Variants in MGST1 observed in about 807,000 individuals in gnomAD.
The protein encoded by MGST1 is microsomal glutathione S-transferase 1, also known as glutathione S-transferase 12.
MGST1 carries 5 observed loss-of-function variants against 8.9 expected under a neutral mutation model. That is an observed-to-expected ratio of 0.56 (90% confidence interval 0.29 to 1.19). The LOEUF (loss-of-function observed/expected upper bound fraction) is 1.19. Among genes scored for constraint, MGST1 ranks in the 50% most tolerant of loss-of-function variants. MGST1 has a pLI of 0.08. For synonymous variants in MGST1, 54 were observed against 67.8 expected (o/e 0.80, Z 1.00); for missense variants, 182 against 187.4 (o/e 0.97, Z 0.17).
At chr12:16,488,994 C>T (rs1941419026) in intron 4 of MGST1, among the ~76,000 whole-genome samples, 1 of 152,074 alleles carries the variant, frequency 6.6e-6, no homozygotes, top group African/African-American at 2.4e-5. Flanking sequence ...CCTGTAGTCA[C>T]AGCTACTCAG....
exon 4 of MGST1, chr12:16,376,321 C>T (rs761631838): frequency 7.8e-5 from 37 of 476,634 alleles, no homozygotes; most frequent in African/African-American, 1.6e-4. Context: ...CACAAAAAGA[C>T]AATCGGAAAT....
At chr12:16,483,263 A>T (rs192026450) in intron 4 of MGST1, among the ~76,000 whole-genome samples, 5 of 152,188 alleles carry the variant, frequency 3.3e-5, no homozygotes, top group Non-Finnish European at 7.4e-5. Context: ...CTTACTCCTC[A>T]AAAGGGGAAT....
chr12:16,487,719 C>T (rs1171674703), intron 4 of MGST1, among the ~76,000 whole-genome samples: 1 of 152,110 alleles, frequency 6.6e-6, no homozygotes, highest in African/African-American at 2.4e-5. Context: ...GTGATCGTAG[C>T]TCACTGCAGC....
chr12:16,517,308 G>T lies in MGST1; in HGVS notation n.483-72220G>T, dbSNP rs1941621172. Among the ~76,000 whole-genome samples the T allele has an allele frequency of 6.6e-6, 1 of 152,140 alleles. No individual in the cohort carries two copies. Among genetic ancestry groups the T allele is most frequent in the Admixed American group, 6.5e-5 (1 of 15,284 alleles). On this transcript the variant is annotated intron_variant and non_coding_transcript_variant, in intron 4 of 4. Transcript: ENST00000538857. The surrounding 1 kb of genome is among the most constrained non-coding windows in gnomAD (Gnocchi z 4.2). ...GTGTCAAGAGGTGGAAGCTTTAAAAGGTGATTAAGTCATAAGTTCTCTCCC... is the reference window on the plus strand; with the variant it reads ...GTGTCAAGAGGTGGAAGCTTTAAAATGTGATTAAGTCATAAGTTCTCTCCC...
chr12:16,453,895 C>G (rs1272539049), intron 4 of MGST1, among the ~76,000 whole-genome samples: 1 of 151,952 alleles, frequency 6.6e-6, no homozygotes, highest in African/African-American at 2.4e-5. Flanking sequence ...AATACTATAT[C>G]TGCAACAAGC....
At position 16,358,779 on chromosome 12, in the gene MGST1, C is replaced by CTTTTT. The variant is rs35081887; in HGVS notation, c.221+1105_221+1109dup. Reference sequence around the variant, plus strand: ...CACCGGACCTGGCCAAAATTCATTCCTTTTTTTTTTTTTTTTTTTTTTTTT... The same window carrying CTTTTT: ...CACCGGACCTGGCCAAAATTCATTCCTTTTTTTTTTTTTTTTTTTTTTTTTTTTTT... On this transcript the variant is annotated intron_variant, in intron 3 of 3. Coordinates refer to ENST00000396210, the MANE Select transcript of MGST1 (RefSeq NM_020300.5). Among the ~76,000 whole-genome samples, 39 of 57,578 alleles carry CTTTTT rather than the reference C, an allele frequency of 6.8e-4. 2 individuals are homozygous for CTTTTT. Among genetic ancestry groups the CTTTTT allele is most frequent in the Middle Eastern group, 0.024 (1 of 42 alleles). 37.8% of individuals were successfully genotyped at this position (57,578 alleles called of 152,430 possible).
intron 1 of MGST1, among the ~76,000 whole-genome samples, chr12:16,435,082 A>G (rs1310170184): frequency 6.6e-6 from 1 of 152,000 alleles, no homozygotes; most frequent in Non-Finnish European, 1.5e-5. Flanking sequence ...TATTCATTTC[A>G]TATTTGTTGA....
intron 1 of MGST1, among the ~76,000 whole-genome samples, chr12:16,348,485 A>C (rs1490659117): frequency 6.6e-6 from 1 of 152,266 alleles, no homozygotes; most frequent in East Asian, 1.9e-4. Context: ...AGAGGAGTGC[A>C]TGTAAATCTT....
At chr12:16,371,704 A>C (rs933128583) in intron 3 of MGST1, among the ~76,000 whole-genome samples, 1 of 152,082 alleles carries the variant, frequency 6.6e-6, no homozygotes, top group Non-Finnish European at 1.5e-5. Context: ...CATTATTGTT[A>C]TCTTTTGAAG....
chr12:16,418,860 T>C (rs186499583), intron 1 of MGST1, among the ~76,000 whole-genome samples: 231 of 152,296 alleles, frequency 1.5e-3, no homozygotes, highest in Non-Finnish European at 2.7e-3. Flanking sequence ...CATCTTTATG[T>C]TGTTAAACTG....
rs1940091309 is a variant in MGST1 at position 16,363,538 on chromosome 12, A to G, written c.222-257A>G. ...GTTCTATTAGATAGATGTCGTTTTG[A>G]TATTCTAGGAACTACAAAATGCCTT... On this transcript the variant is annotated intron_variant, in intron 3 of 3. Coordinates refer to ENST00000396210, the MANE Select transcript of MGST1 (RefSeq NM_020300.5). The surrounding 1 kb of genome is among the most constrained non-coding windows in gnomAD (Gnocchi z 4.6). 3 of 248,394 alleles carry G rather than the reference A, an allele frequency of 1.2e-5. No homozygotes were observed. The highest frequency in any genetic ancestry group is 5.2e-5 in the Admixed American group (1 of 19,294). 15.4% of individuals were successfully genotyped at this position (248,394 alleles called of 1,614,324 possible).
chr12:16,454,564 A>G (rs887020311), intron 4 of MGST1, among the ~76,000 whole-genome samples: 1 of 151,876 alleles, frequency 6.6e-6, no homozygotes, highest in Non-Finnish European at 1.5e-5. Flanking sequence ...TCACCCGATA[A>G]TAAGTTACAT....
intron 4 of MGST1, among the ~76,000 whole-genome samples, chr12:16,467,337 C>T (rs921462026): frequency 2.0e-5 from 3 of 152,178 alleles, no homozygotes; most frequent in African/African-American, 7.2e-5. Context: ...GCCATATTAG[C>T]ATTTTCTGGT....
chr12:16,378,560 T>G (rs1485963813), downstream of MGST1, among the ~76,000 whole-genome samples: 235 of 126,404 alleles, frequency 1.9e-3, no homozygotes, highest in South Asian at 4.3e-3. Context: ...CCTTGTAGTA[T>G]AGTTTGAAGT....
In MGST1 at chr12:16,560,563, T is replaced by C; in HGVS notation, n.483-28965T>C. 1 of 1,601,194 alleles carries C rather than the reference T, an allele frequency of 6.2e-7. No homozygotes were observed. The highest frequency in any genetic ancestry group is 8.5e-7 in the Non-Finnish European group (1 of 1,174,774). ...CCTAGAATAAGAAACATTTTTTTTT[T>C]TTTACAAACTCTTACAGAGAAATCT... is the stretch of plus-strand genomic sequence containing the variant. On this transcript the variant is annotated intron_variant and non_coding_transcript_variant, in intron 4 of 4. Coordinates refer to the MGST1 transcript ENST00000538857. This position sits in a 1 kb window ranked among gnomAD's most constrained non-coding sequence, Gnocchi z 5.0.
intron 3 of MGST1, among the ~76,000 whole-genome samples, chr12:16,373,046 A>C (rs1007593471): frequency 1.2e-4 from 16 of 134,126 alleles, no homozygotes; most frequent in African/African-American, 4.3e-4. Context: ...ACATAATGGA[A>C]TATTATACAA....
intron 4 of MGST1, among the ~76,000 whole-genome samples, chr12:16,468,414 T>G (rs1250099030): frequency 1.3e-5 from 2 of 152,160 alleles, no homozygotes; most frequent in East Asian, 3.9e-4. Context: ...GGATGAAAAG[T>G]GCAAAAGAAG....
chr12:16,452,029 C>T (rs1052703432), intron 4 of MGST1, among the ~76,000 whole-genome samples: 2 of 151,764 alleles, frequency 1.3e-5, no homozygotes, highest in African/African-American at 4.8e-5. Context: ...ATTTGTATTG[C>T]AAAGCAGGAG....
At chr12:16,502,733 C>T (rs1169799622) in intron 4 of MGST1, among the ~76,000 whole-genome samples, 2 of 152,218 alleles carry the variant, frequency 1.3e-5, no homozygotes, top group Non-Finnish European at 2.9e-5. Context: ...GCACCCTCCT[C>T]TCTTGCTCCT....
Sources: allele counts gnomAD v4.1 joint callset (sites outside exome capture counted in the v4.1 genomes callset), GRCh38; gene constraint gnomAD v4.1.1; non-coding constraint Gnocchi (gnomAD v3.1); transcripts MANE v1.5; gene names NCBI Gene and HGNC (gene_info 2026-07-23, HGNC 2026-07-21).